The following FAM168B variants were observed in gnomAD, a reference collection of about 807,000 sequenced individuals.
FAM168B encodes the protein myelin-associated neurite-outgrowth inhibitor.
In FAM168B, 19 loss-of-function variants were observed where a neutral mutation model predicts 21.8. The ratio of observed to expected loss-of-function variants is 0.87; its 90% CI spans 0.61 to 1.28. The LOEUF (loss-of-function observed/expected upper bound fraction) is 1.28. FAM168B is among the 50% of genes most tolerant of loss of function. The pLI is 0.00. For synonymous variants in FAM168B, 126 were observed against 104.8 expected, an observed-to-expected ratio of 1.20 and a Z score of -1.24; for missense variants, 233 against 263.1, an observed-to-expected ratio of 0.89 and a Z score of 0.79.
At chr2:131,068,317 C>G (rs1411962325) in intron 3 of FAM168B, among the ~76,000 whole-genome samples, 1 of 152,176 alleles carries the variant, frequency 6.6e-6, no homozygotes, top group East Asian at 1.9e-4. Flanking sequence ...TGCCACCACA[C>G]TCGGCTCATT....
intron 3 of FAM168B, among the ~76,000 whole-genome samples, chr2:131,069,918 G>T (rs1320241243): frequency 6.6e-6 from 1 of 151,902 alleles, no homozygotes; most frequent in African/African-American, 2.4e-5. Context: ...GAATGCTATG[G>T]CACGATCTCG....
chr2:131,090,567 G>A lies in FAM168B; in HGVS notation c.-12+2647C>T, dbSNP rs187921743. Among the ~76,000 whole-genome samples, 43 of 152,156 alleles carry A rather than the reference G, an allele frequency of 2.8e-4. 1 individual carries two copies. The highest frequency in any genetic ancestry group is 9.6e-4 in the African/African-American group (40 of 41,514). On this transcript the variant is annotated intron_variant, in intron 1 of 6. Coordinates refer to ENST00000389915, the MANE Select transcript of FAM168B (RefSeq NM_001009993.4). Reference sequence around the variant, plus strand: ...CATTGGAAATTCTCAGTAATGTCTGGCAACATCAACAAGAGCTTGTAGACT... The same window carrying A: ...CATTGGAAATTCTCAGTAATGTCTGACAACATCAACAAGAGCTTGTAGACT...
At position 131,048,710 on chromosome 2, in the gene FAM168B, C is replaced by G. The variant is rs1390404165; in HGVS notation, c.*3755G>C. ...TTCAGAAAGCCAGAGGGAACACTCA[C>G]AAATGCAGAGGTACTAGAGGGGAGA... On this transcript the variant is annotated 3_prime_UTR_variant, in exon 7 of 7. Transcript: ENST00000389915. The G allele has an allele frequency of 1.0e-6, 1 of 989,178 alleles. No individual in the cohort carries two copies. Among genetic ancestry groups the G allele is most frequent in the Non-Finnish European group, 1.2e-6 (1 of 832,184 alleles). The allele number at this position is 989,178 out of a possible 1,614,324, so 61.3% of individuals were successfully genotyped here. A position where few individuals can be genotyped will look rare whatever the true frequency, so the allele number is the denominator to read the frequency against.
intron 2 of FAM168B, among the ~76,000 whole-genome samples, chr2:131,079,325 G>A (rs1347469469): frequency 1.3e-5 from 2 of 152,054 alleles, no homozygotes. Context: ...AAAATTAGTC[G>A]GGCGTGGTGG....
intron 3 of FAM168B, among the ~76,000 whole-genome samples, chr2:131,067,317 T>C (rs977826575): frequency 6.6e-6 from 1 of 152,202 alleles, no homozygotes; most frequent in East Asian, 1.9e-4. Context: ...AATCCTCTTA[T>C]ATCACAATTG....
At chr2:131,072,410 C>A (rs1692920598) in intron 2 of FAM168B, among the ~76,000 whole-genome samples, 1 of 152,066 alleles carries the variant, frequency 6.6e-6, no homozygotes, top group African/African-American at 2.4e-5. Flanking sequence ...AGGTGTGAGC[C>A]ACCACGCCTG....
At chr2:131,091,655 A>G (rs1694038390) in intron 1 of FAM168B, among the ~76,000 whole-genome samples, 1 of 151,788 alleles carries the variant, frequency 6.6e-6, no homozygotes, top group African/African-American at 2.4e-5. Flanking sequence ...TCACAAAAAA[A>G]AAAAAGAAAA....
At chr2:131,080,161 G>A (rs1693362611) in intron 2 of FAM168B, among the ~76,000 whole-genome samples, 1 of 151,908 alleles carries the variant, frequency 6.6e-6, no homozygotes, top group Admixed American at 6.6e-5. Context: ...AAAGGTCAAT[G>A]ACTCCAGAGA....
chr2:131,063,889 A>T (rs1270634084), intron 3 of FAM168B, among the ~76,000 whole-genome samples: 1 of 152,100 alleles, frequency 6.6e-6, no homozygotes, highest in Non-Finnish European at 1.5e-5. Context: ...TTCAGCACTA[A>T]GTCCACCATA....
intron 3 of FAM168B, among the ~76,000 whole-genome samples, chr2:131,059,502 A>G (rs2105476393): frequency 6.6e-6 from 1 of 152,262 alleles, no homozygotes; most frequent in South Asian, 2.1e-4. Context: ...GCTTAATCCC[A>G]GTTTTCTGCC....
At chr2:131,090,086 G>A (rs78300903) in intron 1 of FAM168B, among the ~76,000 whole-genome samples, 24,574 of 143,718 alleles carry the variant, frequency 0.17, 2,518 homozygotes, top group African/African-American at 0.29. Flanking sequence ...TCGGGAGGCC[G>A]ACGAGGGCGG....
In FAM168B at chr2:131,055,580, G is replaced by A. The variant is rs1691974940; in HGVS notation, c.270C>T (p.Ala90=). Residue 90 remains alanine (A), a synonymous_variant, in exon 4 of 7, where the codon GCC becomes GCT. Coordinates refer to ENST00000389915, the MANE Select transcript of FAM168B (RefSeq NM_001009993.4). ...YQTAVYPVRS[A]YPQQSPYAQQ... ...GTGCATACGGGCTCTGCTGGGGGTAGGCACTTCGCACAGGGTACACGGCAG... is the reference window on the plus strand; with the variant it reads ...GTGCATACGGGCTCTGCTGGGGGTAAGCACTTCGCACAGGGTACACGGCAG... The A allele has an allele frequency of 1.2e-6, 2 of 1,606,458 alleles. No homozygotes were observed. Among genetic ancestry groups the A allele is most frequent in the Non-Finnish European group, 1.7e-6 (2 of 1,176,152 alleles).
rs919842445 is a variant in FAM168B, at chr2:131,052,231, A to C, written c.*234T>G. 1.3e-5 allele frequency: 13 copies of C among 985,752 alleles called. No homozygotes were observed. Among genetic ancestry groups the C allele is most frequent in the Admixed American group, 6.1e-5 (1 of 16,274 alleles). The allele number at this position is 985,752 out of a possible 1,614,324, so 61.1% of individuals were successfully genotyped here. A position where few individuals can be genotyped will look rare whatever the true frequency, so the allele number is the denominator to read the frequency against. On this transcript the variant is annotated 3_prime_UTR_variant, in exon 7 of 7. Coordinates refer to ENST00000389915, the MANE Select transcript of FAM168B (RefSeq NM_001009993.4). ...ATACTCCCTTTTTATCATTACAGTT[A>C]GCTAAAAAATTGCCAGGCAGTCCAC... is the stretch of plus-strand genomic sequence containing the variant.
rs1374797703 is a variant in FAM168B at position 131,049,775 on chromosome 2, A to G, written c.*2690T>C. ...CAAATTAGGAATGTCAAACACACAA[A>G]AAGCAAATTTCTCAGAATGCTCCAC... is the stretch of plus-strand genomic sequence containing the variant. On this transcript the variant is annotated 3_prime_UTR_variant, in exon 7 of 7. Transcript: ENST00000389915. 4.1e-6 allele frequency: 4 copies of G among 985,776 alleles called. No homozygotes were observed. The highest frequency in any genetic ancestry group is 4.8e-6 in the Non-Finnish European group (4 of 829,950). The allele number at this position is 985,776 out of a possible 1,614,324, so 61.1% of individuals were successfully genotyped here. A position where few individuals can be genotyped will look rare whatever the true frequency, so the allele number is the denominator to read the frequency against.
chr2:131,075,053 T>C (rs1693067870), intron 2 of FAM168B, among the ~76,000 whole-genome samples: 1 of 152,046 alleles, frequency 6.6e-6, no homozygotes, highest in Non-Finnish European at 1.5e-5. Flanking sequence ...CCGTTTGCCC[T>C]CTCTAATTAG....
At chr2:131,092,750 T>C (rs1448719670) in intron 1 of FAM168B, among the ~76,000 whole-genome samples, 1 of 152,128 alleles carries the variant, frequency 6.6e-6, no homozygotes, top group Non-Finnish European at 1.5e-5. Flanking sequence ...CTTAAAAATC[T>C]GTAATTTAAA....
In FAM168B at chr2:131,053,131, A is replaced by C. The variant is rs573513506; in HGVS notation, c.476-116T>G. The C allele has an allele frequency of 4.5e-5, 62 of 1,367,534 alleles. No individual in the cohort carries two copies. In the South Asian group the frequency reaches 7.1e-4, roughly 16 times the overall value. 84.7% of individuals were successfully genotyped at this position (1,367,534 alleles called of 1,614,324 possible). A position where few individuals can be genotyped will look rare whatever the true frequency, so the allele number is the denominator to read the frequency against. On this transcript the variant is annotated intron_variant, in intron 5 of 6. Coordinates refer to ENST00000389915, the MANE Select transcript of FAM168B (RefSeq NM_001009993.4). ...GAGGAGGGTATACAGGAAGAGGGAT[A>C]GTCTTGACCCAGATACTGTCAGAAC...
rs373009220 is a variant in FAM168B at position 131,093,183 on chromosome 2, G to C, written c.-12+31C>G. ...AAAGCGCCGCACTTCCGGCCTGGAC[G>C]CGCAGTCGCCCGCTGCCCGCCCCCA... On this transcript the variant is annotated intron_variant, in intron 1 of 6. Transcript: ENST00000389915. 1.3e-4 allele frequency: 19 copies of C among 150,698 alleles called. No homozygotes were observed. The East Asian group carries it at 2.7e-3, about 21-fold the overall frequency. The allele number at this position is 150,698 out of a possible 1,614,324, so 9.3% of individuals were successfully genotyped here.
At chr2:131,061,205 A>T (rs999062543) in intron 3 of FAM168B, among the ~76,000 whole-genome samples, 27 of 144,332 alleles carry the variant, frequency 1.9e-4, no homozygotes, top group African/African-American at 6.8e-4. Flanking sequence ...CTGTCATCCC[A>T]GCACTTTGGG....
Sources: allele counts gnomAD v4.1 joint callset (sites outside exome capture counted in the v4.1 genomes callset), GRCh38; gene constraint gnomAD v4.1.1; transcripts MANE v1.5; gene names NCBI Gene and HGNC (gene_info 2026-07-23, HGNC 2026-07-21).